Variants in LEP observed in about 807,000 individuals in gnomAD.
LEP encodes the protein leptin (murine obesity homolog).
In LEP, 6 loss-of-function variants were observed where a neutral mutation model predicts 9.8. That is an observed-to-expected ratio of 0.61 (90% CI 0.34 to 1.21). The LOEUF (loss-of-function observed/expected upper bound fraction) is 1.21. LEP is among the 50% of genes most tolerant of loss of function. The probability of loss-of-function intolerance (pLI) is 0.04; values close to 1 mark genes in which losing one functional copy is unlikely to be tolerated. For synonymous variants in LEP, 112 were observed against 81.7 expected, an observed-to-expected ratio of 1.37 and a Z score of -2.00; for missense variants, 134 against 198.1, an observed-to-expected ratio of 0.68 and a Z score of 1.94.
chr7:128,247,302 G>A (rs1473455537), intron 1 of LEP, among the ~76,000 whole-genome samples: 8 of 152,158 alleles, frequency 5.3e-5, no homozygotes, highest in Admixed American at 4.6e-4. Flanking sequence ...AATTCCAAGC[G>A]GCAGCTGGGC....
In LEP at chr7:128,254,594, C is replaced by G; in HGVS notation, c.335C>G (p.Ala112Gly). The G allele has an allele frequency of 6.2e-7, 1 of 1,614,192 alleles. No homozygotes were observed. The highest frequency in any genetic ancestry group is 1.1e-5 in the South Asian group (1 of 91,084). The change falls in exon 3 of 3, where the codon GCC (alanine) becomes GGC (glycine). Residue 112 changes from alanine (A) to glycine (G), a missense_variant. Ala to Gly is a moderately conservative substitution (Grantham distance 60). Transcript: ENST00000308868. ...ENLRDLLHVL[A>G]FSKSCHLPWA... Reference sequence around the variant, plus strand: ...CTCCGGGATCTTCTTCACGTGCTGGCCTTCTCTAAGAGCTGCCACTTGCCC... The same window carrying G: ...CTCCGGGATCTTCTTCACGTGCTGGGCTTCTCTAAGAGCTGCCACTTGCCC...
rs1472248111 is a variant in LEP, at chr7:128,255,747, G to A, written c.*984G>A. On this transcript the variant is annotated 3_prime_UTR_variant, in exon 3 of 3. Coordinates refer to ENST00000308868, the MANE Select transcript of LEP (RefSeq NM_000230.3). ...GTTTTTCATGAAAATAGCTCTTTCA[G>A]GGGGGTTGTGAGGCCTGGCCAGGCA... 1 of 152,166 alleles carries A rather than the reference G, an allele frequency of 6.6e-6. No individual in the cohort carries two copies. Among genetic ancestry groups the A allele is most frequent in the Non-Finnish European group, 1.5e-5 (1 of 68,028 alleles). The allele number at this position is 152,166 out of a possible 1,614,324, so 9.4% of individuals were successfully genotyped here.
chr7:128,255,684 G>A lies in LEP; in HGVS notation c.*921G>A, dbSNP rs1244290623. 2 of 152,184 alleles carry A rather than the reference G, an allele frequency of 1.3e-5. No homozygotes were observed. The highest frequency in any genetic ancestry group is 2.9e-5 in the Non-Finnish European group (2 of 68,022). 9.4% of individuals were successfully genotyped at this position (152,184 alleles called of 1,614,324 possible). A position where few individuals can be genotyped will look rare whatever the true frequency, so the allele number is the denominator to read the frequency against. On this transcript the variant is annotated 3_prime_UTR_variant, in exon 3 of 3. Coordinates refer to ENST00000308868, the MANE Select transcript of LEP (RefSeq NM_000230.3). ...TTGTGTGGTGGGTTCTTTGGAAGGA[G>A]TGAGATCATTTTCTTATCTTCTGCA...
chr7:128,252,731 A>AAAAT (rs71904498), intron 2 of LEP, among the ~76,000 whole-genome samples: 30 of 151,034 alleles, frequency 2.0e-4, no homozygotes, highest in East Asian at 7.8e-4. Flanking sequence ...ACCTTGTCTC[A>AAAAT]AAATAAATAA....
At chr7:128,241,907 G>C (rs1205628659) in intron 1 of LEP, among the ~76,000 whole-genome samples, 1 of 152,236 alleles carries the variant, frequency 6.6e-6, no homozygotes, top group Admixed American at 6.5e-5. Context: ...GGTCTTACCA[G>C]ATCTGTCCTC....
intron 1 of LEP, among the ~76,000 whole-genome samples, chr7:128,247,409 C>T (rs1795224044): frequency 6.6e-6 from 1 of 152,206 alleles, no homozygotes. Flanking sequence ...GTTTCCATCT[C>T]CATCCTTCTA....
In LEP at chr7:128,255,821, G is replaced by A. The variant is rs1383229089; in HGVS notation, c.*1058G>A. ...CCTGGCTGACCCCAAAGAGCCTGGAGAAGCTGATGCTTTGCTTCAAATCCA... is the reference window on the plus strand; with the variant it reads ...CCTGGCTGACCCCAAAGAGCCTGGAAAAGCTGATGCTTTGCTTCAAATCCA... On this transcript the variant is annotated 3_prime_UTR_variant, in exon 3 of 3. Coordinates refer to ENST00000308868, the MANE Select transcript of LEP (RefSeq NM_000230.3). 6.6e-6 allele frequency: 1 copy of A among 152,250 alleles called. No individual in the cohort carries two copies. Among genetic ancestry groups the A allele is most frequent in the African/African-American group, 2.4e-5 (1 of 41,456 alleles). 9.4% of individuals were successfully genotyped at this position (152,250 alleles called of 1,614,324 possible). A position where few individuals can be genotyped will look rare whatever the true frequency, so the allele number is the denominator to read the frequency against.
chr7:128,245,772 G>T (rs1234948607), intron 1 of LEP, among the ~76,000 whole-genome samples: 1 of 152,196 alleles, frequency 6.6e-6, no homozygotes, highest in Non-Finnish European at 1.5e-5. Flanking sequence ...GATCTAAAGA[G>T]CAGCAGATGG....
At chr7:128,243,160 A>G (rs1211218926) in intron 1 of LEP, among the ~76,000 whole-genome samples, 3 of 152,210 alleles carry the variant, frequency 2.0e-5, no homozygotes, top group Non-Finnish European at 2.9e-5. Context: ...GTCTGGGCCC[A>G]CAGACTCCTT....
At chr7:128,246,705 C>A (rs1795215766) in intron 1 of LEP, among the ~76,000 whole-genome samples, 1 of 152,038 alleles carries the variant, frequency 6.6e-6, no homozygotes, top group Admixed American at 6.6e-5. Context: ...TCAAGCGATC[C>A]TCCTGCCTTG....
rs1472894406 is a variant in LEP at position 128,255,972 on chromosome 7, CT to C, written c.*1211del. ...ACGGTCCCACACTGGTGACTGCGAT[CT>C]TCAGAGCAGGGGTCCTTGGTGTGAC... On this transcript the variant is annotated 3_prime_UTR_variant, in exon 3 of 3. Coordinates refer to ENST00000308868, the MANE Select transcript of LEP (RefSeq NM_000230.3). 1 of 152,264 alleles carries C rather than the reference CT, an allele frequency of 6.6e-6. No individual in the cohort carries two copies. Among genetic ancestry groups the C allele is most frequent in the Non-Finnish European group, 1.5e-5 (1 of 68,078 alleles). The allele number at this position is 152,264 out of a possible 1,614,324, so 9.4% of individuals were successfully genotyped here.
intron 2 of LEP, among the ~76,000 whole-genome samples, chr7:128,252,454 G>A (rs777654742): frequency 6.6e-6 from 1 of 152,154 alleles, no homozygotes; most frequent in Non-Finnish European, 1.5e-5. Context: ...TTTGGGCTGG[G>A]TGTGGTGGCT....
intron 1 of LEP, among the ~76,000 whole-genome samples, chr7:128,249,891 C>T (rs759134469): frequency 9.2e-5 from 14 of 152,294 alleles, no homozygotes; most frequent in Non-Finnish European, 1.6e-4. Context: ...AGCTTCTCAG[C>T]TCCATGTTTT....
rs183582933 is a variant in LEP, at chr7:128,249,989, G to A, written c.-28-2002G>A. ...CTTGTAAAACTGTTTTTCCACTTAG[G>A]TATTAGAGGGTGGCCATTATTTGAG... is the stretch of plus-strand genomic sequence containing the variant. On this transcript the variant is annotated intron_variant, in intron 1 of 2. Coordinates refer to ENST00000308868, the MANE Select transcript of LEP (RefSeq NM_000230.3). Among the ~76,000 whole-genome samples the A allele has an allele frequency of 1.8e-3, 272 of 152,276 alleles. 2 individuals are homozygous for A. The highest frequency in any genetic ancestry group is 5.9e-3 in the African/African-American group (247 of 41,552).
chr7:128,252,009 G>T lies in LEP; in HGVS notation c.-10G>T, dbSNP rs1795280449. The T allele has an allele frequency of 6.2e-7, 1 of 1,614,110 alleles. No homozygotes were observed. The highest frequency in any genetic ancestry group is 1.3e-5 in the African/African-American group (1 of 75,022). On this transcript the variant is annotated 5_prime_UTR_variant, in exon 2 of 3. Coordinates refer to ENST00000308868, the MANE Select transcript of LEP (RefSeq NM_000230.3). The stretch of plus-strand genomic sequence containing the variant: ...TTTTCAGGCCCAAGAAGCCCATCCT[G>T]GGAAGGAAAATGCATTGGGGAACCC...
intron 1 of LEP, among the ~76,000 whole-genome samples, chr7:128,249,176 C>T (rs1446500699): frequency 6.6e-6 from 1 of 152,218 alleles, no homozygotes; most frequent in Non-Finnish European, 1.5e-5. Context: ...TTCTGATGCC[C>T]ATGTTGGCAT....
Position 128,252,111 on chromosome 7 carries a change from C to T in LEP, c.93C>T (p.Thr31=). The change falls in exon 2 of 3, where the codon ACC becomes ACT. Residue 31 remains threonine, a synonymous_variant. Coordinates refer to ENST00000308868, the MANE Select transcript of LEP (RefSeq NM_000230.3). ...AVPIQKVQDD[T]KTLIKTIVTR... ...CCATCCAAAAAGTCCAAGATGACAC[C>T]AAAACCCTCATCAAGACAATTGTCA... is the stretch of plus-strand genomic sequence containing the variant. The T allele has an allele frequency of 6.2e-7, 1 of 1,614,146 alleles. No homozygotes were observed.
chr7:128,248,168 C>T (rs1293724197), intron 1 of LEP, among the ~76,000 whole-genome samples: 1 of 152,194 alleles, frequency 6.6e-6, no homozygotes, highest in East Asian at 1.9e-4. Flanking sequence ...TGATGACTCA[C>T]ACCTGTAATC....
chr7:128,250,719 G>A (rs1035467873), intron 1 of LEP, among the ~76,000 whole-genome samples: 2 of 152,164 alleles, frequency 1.3e-5, no homozygotes, highest in East Asian at 1.9e-4. Context: ...GACAGAAAAT[G>A]TATTACCTGT....
Sources: gnomAD v4.1 joint callset for allele counts (sites outside exome capture counted in the v4.1 genomes callset) on GRCh38, gnomAD v4.1.1 for gene constraint, MANE v1.5 for transcripts, NCBI Gene and HGNC (gene_info 2026-07-23, HGNC 2026-07-21) for gene names.